Variants in KIF20B observed in about 807,000 individuals in gnomAD.
KIF20B encodes the protein kinesin-like protein KIF20B.
In KIF20B, 188 loss-of-function variants were observed where a neutral mutation model predicts 232.5. The observed-to-expected ratio is 0.81, with a 90% CI of 0.72 to 0.91. KIF20B has a LOEUF of 0.91. Ranked by LOEUF, KIF20B falls within the 40% of genes least tolerant of loss-of-function variation. The pLI is 0.00. For synonymous variants in KIF20B, 712 were observed against 683.0 expected (o/e 1.04, Z -0.66); for missense variants, 2,154 against 2,055.9 (o/e 1.05, Z -0.92).
At position 89,716,455 on chromosome 10, in the gene KIF20B, A is replaced by C; in HGVS notation, c.960A>C (p.Val320=). The part of the protein sequence containing the change: ...SFIKDLQWIQ[V]SDSKEAYRLL... Reference sequence around the variant, plus strand: ...TTAAAGATCTACAATGGATTCAAGTATCTGATTCCAAAGAAGCCTATAGAC... The same window carrying C: ...TTAAAGATCTACAATGGATTCAAGTCTCTGATTCCAAAGAAGCCTATAGAC... The change falls in exon 9 of 33, where the codon GTA becomes GTC. Residue 320 remains valine (V), a synonymous_variant. Transcript: ENST00000371728. The C allele has an allele frequency of 6.5e-7, 1 of 1,527,706 alleles. No individual in the cohort carries two copies. The highest frequency in any genetic ancestry group is 8.9e-7 in the Non-Finnish European group (1 of 1,117,462). 94.6% of individuals were successfully genotyped at this position (1,527,706 alleles called of 1,614,324 possible).
chr10:89,724,240 T>C, intron 14 of KIF20B, 137 bp downstream of exon 14: 1 of 897,650 alleles, frequency 1.1e-6, no homozygotes, highest in Non-Finnish European at 1.5e-6. Flanking sequence ...AAAATAGCTG[T>C]TACTGGTCTG....
rs781199402 is a variant in KIF20B, at chr10:89,738,358, CAG to C, written c.3519_3520del (p.Lys1174SerfsTer2). 19 of 1,609,916 alleles carry C rather than the reference CAG, an allele frequency of 1.2e-5. No individual in the cohort carries two copies. Among genetic ancestry groups the C allele is most frequent in the Non-Finnish European group, 1.6e-5 (19 of 1,178,674 alleles). ...GGAACTTGAAACAATTTTAGAGACT[CAG>C]AAAGTTGAATGTAGTCATTCAGCCA... ...IKELETILET[Q>X]KVECSHSAKL... is the part of the protein sequence containing the mutation. On this transcript the variant is annotated frameshift_variant, in exon 20 of 33. Coordinates refer to ENST00000371728, the MANE Select transcript of KIF20B (RefSeq NM_001284259.2). LOFTEE classifies it high-confidence loss of function.
At position 89,726,374 on chromosome 10, in the gene KIF20B, A is replaced by C; in HGVS notation, c.2083A>C (p.Ile695Leu). The change falls in exon 16 of 33, where the codon ATT (isoleucine) becomes CTT (leucine). Residue 695 changes from isoleucine (I) to leucine (L), a missense_variant. By Grantham distance (5) the Ile-to-Leu change is conservative (BLOSUM62 2). Transcript: ENST00000371728. ...NVADIKKQAE[I>L]AHLYIASLPD... Reference sequence around the variant, plus strand: ...TGCTGATATTAAGAAACAGGCTGAAATTGCTCACTTATATATTGCATCTCT... The same window carrying C: ...TGCTGATATTAAGAAACAGGCTGAACTTGCTCACTTATATATTGCATCTCT... 1 of 1,565,240 alleles carries C rather than the reference A, an allele frequency of 6.4e-7. No homozygotes were observed. The highest frequency in any genetic ancestry group is 8.7e-7 in the Non-Finnish European group (1 of 1,152,922).
rs1370168288 is a variant in KIF20B, at chr10:89,709,334, A to G, written c.235-11A>G. The G allele has an allele frequency of 6.2e-7, 1 of 1,603,658 alleles. No individual in the cohort carries two copies. Among genetic ancestry groups the G allele is most frequent in the South Asian group, 1.1e-5 (1 of 89,610 alleles). ...ATACTAGTTTTTATTTATTGGGGGT[A>G]TGTTTTCTAGGGCTGTGTGCATATT... On this transcript the variant is annotated splice_polypyrimidine_tract_variant and intron_variant, in intron 3 of 32. Transcript: ENST00000371728.
chr10:89,716,833 C>T (rs1324627335), intron 9 of KIF20B, among the ~76,000 whole-genome samples: 7 of 152,006 alleles, frequency 4.6e-5, no homozygotes, highest in Admixed American at 4.6e-4. Flanking sequence ...TAATGGTGGC[C>T]TTTTCTCTGG....
At chr10:89,765,698 G>A (rs1842345238) in intron 29 of KIF20B, among the ~76,000 whole-genome samples, 1 of 152,088 alleles carries the variant, frequency 6.6e-6, no homozygotes, top group African/African-American at 2.4e-5. Context: ...ATAGATCAAT[G>A]GAACAGAACA....
At chr10:89,724,135 T>C (rs985157754) in intron 14 of KIF20B, 32 bp downstream of exon 14, 4 of 1,440,046 alleles carry the variant, frequency 2.8e-6, no homozygotes, top group Non-Finnish European at 3.6e-6. Context: ...CAGGTAAAAA[T>C]TGAGAATTTT....
intron 18 of KIF20B, among the ~76,000 whole-genome samples, chr10:89,731,587 C>G (rs1336657209): frequency 6.6e-6 from 1 of 152,158 alleles, no homozygotes; most frequent in East Asian, 1.9e-4. Context: ...CAAGCATACC[C>G]TGGGAGCAGA....
chr10:89,712,084 CAT>C (rs1261468227), intron 6 of KIF20B, among the ~76,000 whole-genome samples: 2 of 151,100 alleles, frequency 1.3e-5, no homozygotes, highest in East Asian at 1.9e-4. Context: ...TGAATTGTCA[CAT>C]GTTCTTTGTC....
chr10:89,760,949 T>G (rs573550105), intron 28 of KIF20B, among the ~76,000 whole-genome samples: 1 of 152,256 alleles, frequency 6.6e-6, no homozygotes, highest in East Asian at 1.9e-4. Flanking sequence ...TTAATAAACA[T>G]TGTGTTAAAT....
intron 29 of KIF20B, among the ~76,000 whole-genome samples, chr10:89,764,053 C>A (rs180695633): frequency 0.18 from 19,999 of 111,852 alleles, 1,564 homozygotes; most frequent in Non-Finnish European, 0.23. Context: ...CCCCTCCCCC[C>A]ACCCCACAAC....
At chr10:89,770,679 G>A (rs1842444529) in intron 31 of KIF20B, among the ~76,000 whole-genome samples, 2 of 150,496 alleles carry the variant, frequency 1.3e-5, no homozygotes, top group Admixed American at 6.6e-5. Flanking sequence ...AACTGTAACT[G>A]TAATACATAT....
chr10:89,770,494 A>G (rs974531243), intron 31 of KIF20B, among the ~76,000 whole-genome samples: 7 of 151,984 alleles, frequency 4.6e-5, no homozygotes, highest in South Asian at 2.1e-4. Context: ...ATATATTTTC[A>G]AGGAGAGGTA....
chr10:89,726,570 AG>A (rs776735128), intron 16 of KIF20B, 49 bp downstream of exon 16: 1 of 1,416,412 alleles, frequency 7.1e-7, no homozygotes, highest in African/African-American at 1.4e-5. Flanking sequence ...ACACATAAAA[AG>A]TACTCTTGGT....
intron 19 of KIF20B, among the ~76,000 whole-genome samples, chr10:89,734,664 C>A (rs1368132370): frequency 6.6e-6 from 1 of 152,164 alleles, no homozygotes; most frequent in Non-Finnish European, 1.5e-5. Context: ...GTGCTGCCTT[C>A]TTCATCGAAC....
chr10:89,704,583 A>G (rs908284040), intron 1 of KIF20B, among the ~76,000 whole-genome samples: 3 of 150,988 alleles, frequency 2.0e-5, no homozygotes, highest in Admixed American at 6.6e-5. Flanking sequence ...TTTTGACGGA[A>G]TCTCACTCTG....
intron 21 of KIF20B, among the ~76,000 whole-genome samples, 196 bp downstream of exon 21, chr10:89,739,292 G>T (rs1841741299): frequency 6.6e-6 from 1 of 152,124 alleles, no homozygotes; most frequent in Non-Finnish European, 1.5e-5. Flanking sequence ...AACATTAAGA[G>T]AAATATGTAC....
intron 6 of KIF20B, among the ~76,000 whole-genome samples, chr10:89,713,358 C>CA (rs34139175): frequency 0.23 from 20,211 of 88,308 alleles, 2,015 homozygotes; most frequent in East Asian, 0.43. Flanking sequence ...AAGACTCTCT[C>CA]AAAAAAAAAA....
intron 21 of KIF20B, among the ~76,000 whole-genome samples, chr10:89,740,068 T>G (rs1358472807): frequency 6.6e-6 from 1 of 152,110 alleles, no homozygotes; most frequent in Non-Finnish European, 1.5e-5. Context: ...ATATACCAAG[T>G]GGGGAATTAC....
Sources: gnomAD v4.1 joint callset for allele counts (sites outside exome capture counted in the v4.1 genomes callset) on GRCh38, gnomAD v4.1.1 for gene constraint, MANE v1.5 for transcripts, NCBI Gene and HGNC (gene_info 2026-07-23, HGNC 2026-07-21) for gene names.